The following WARS1 variants were observed in gnomAD, a reference collection of about 807,000 sequenced individuals.
The protein encoded by WARS1 is tryptophanyl-tRNA synthetase 1.
In WARS1, 17 loss-of-function variants were observed where a neutral mutation model predicts 47.8. The observed-to-expected ratio is 0.36, with a 90% CI of 0.24 to 0.53. The LOEUF (loss-of-function observed/expected upper bound fraction) is 0.53. WARS1 is among the 20% of genes least tolerant of loss of function. The pLI, the probability that WARS1 is intolerant of heterozygous loss-of-function variation, is 0.91. For synonymous variants in WARS1, 208 were observed against 228.1 expected, an observed-to-expected ratio of 0.91 and a Z score of 0.79; for missense variants, 434 against 608.0, an observed-to-expected ratio of 0.71 and a Z score of 3.01.
At chr14:100,350,583 C>G (rs1323153384) in intron 6 of WARS1, among the ~76,000 whole-genome samples, 1 of 152,042 alleles carries the variant, frequency 6.6e-6, no homozygotes, top group Non-Finnish European at 1.5e-5. Context: ...TTCATCTACC[C>G]CATCGTGCAT....
intron 3 of WARS1, 124 bp downstream of exon 3, chr14:100,361,584 T>G (rs1453330236): frequency 7.5e-6 from 7 of 936,520 alleles, no homozygotes; most frequent in Non-Finnish European, 1.1e-5. Flanking sequence ...ATCCATTTTT[T>G]CTTGGCATTG....
intron 6 of WARS1, among the ~76,000 whole-genome samples, chr14:100,347,978 G>C (rs754553609): frequency 5.3e-5 from 8 of 152,200 alleles, no homozygotes; most frequent in Non-Finnish European, 1.0e-4. Flanking sequence ...GGGAAGGCTG[G>C]TGTCTTTTAA....
chr14:100,359,046 G>A (rs965530502), intron 4 of WARS1, among the ~76,000 whole-genome samples: 1 of 152,198 alleles, frequency 6.6e-6, no homozygotes, highest in Non-Finnish European at 1.5e-5. Context: ...GTGGAGAAAT[G>A]GGAAGCTTCC....
intron 8 of WARS1, among the ~76,000 whole-genome samples, chr14:100,342,855 G>C (rs1894267920): frequency 6.6e-6 from 1 of 151,818 alleles, no homozygotes. Context: ...GCATGCATTA[G>C]GTATTTGTCC....
At chr14:100,345,727 T>C (rs945399655) in intron 7 of WARS1, among the ~76,000 whole-genome samples, 2 of 152,156 alleles carry the variant, frequency 1.3e-5, no homozygotes, top group Admixed American at 6.5e-5. Context: ...TAAAAGTGTT[T>C]AGTGTTTTGG....
chr14:100,342,224 G>A (rs1411978744), intron 9 of WARS1, 174 bp downstream of exon 9: 1 of 800,804 alleles, frequency 1.2e-6, no homozygotes, highest in East Asian at 2.7e-5. Flanking sequence ...ATGTGGGAAG[G>A]ACAGGCTGCC....
At chr14:100,363,069 T>C (rs978396104) in intron 2 of WARS1, among the ~76,000 whole-genome samples, 1 of 152,216 alleles carries the variant, frequency 6.6e-6, no homozygotes, top group African/African-American at 2.4e-5. Context: ...ACCCATCTCA[T>C]TTCTGTAGTA....
At chr14:100,354,250 C>A (rs981879703) in intron 5 of WARS1, 197 bp downstream of exon 5, 3 of 681,088 alleles carry the variant, frequency 4.4e-6, no homozygotes, top group Non-Finnish European at 6.9e-6. Flanking sequence ...TCCAAAGCTG[C>A]GCTCTCCCCA....
At position 100,369,245 on chromosome 14, in the gene WARS1, CAGACGAGTCA is replaced by C; in HGVS notation, c.-70_-61del. ...GCCTGAGGTCAGAGGATTTGTTCAG[CAGACGAGTCA>C]AGACTGGGGTGGGGGCGGGGAAGGA... On this transcript the variant is annotated 5_prime_UTR_variant, in exon 2 of 11. Transcript: ENST00000392882. 1 of 647,598 alleles carries C rather than the reference CAGACGAGTCA, an allele frequency of 1.5e-6. No homozygotes were observed. Among genetic ancestry groups the C allele is most frequent in the Non-Finnish European group, 2.2e-6 (1 of 454,842 alleles). 40.1% of individuals were successfully genotyped at this position (647,598 alleles called of 1,614,324 possible).
At chr14:100,341,117 T>C (rs1894134408) in intron 9 of WARS1, among the ~76,000 whole-genome samples, 1 of 152,074 alleles carries the variant, frequency 6.6e-6, no homozygotes, top group Admixed American at 6.6e-5. Flanking sequence ...AGTTTCACCA[T>C]GTTGGCCACG....
At position 100,373,839 on chromosome 14, in the gene WARS1, T is replaced by C. The variant is rs981752823; in HGVS notation, c.-74+1444A>G. The C allele has an allele frequency of 6.8e-6, 1 of 146,616 alleles. No homozygotes were observed. The highest frequency in any genetic ancestry group is 1.5e-5 in the Non-Finnish European group (1 of 66,794). The allele number at this position is 146,616 out of a possible 1,614,324, so 9.1% of individuals were successfully genotyped here. On this transcript the variant is annotated intron_variant, in intron 1 of 10. Coordinates refer to ENST00000392882, the MANE Select transcript of WARS1 (RefSeq NM_004184.4). This position sits in a 1 kb window ranked among gnomAD's most constrained non-coding sequence, Gnocchi z 4.4. ...TATTGAAATCTTGTGTGTGTGTGTG[T>C]GTGTGTGTGTGTGTGTGTGTGTGTG...
rs140450537 is a variant in WARS1 at position 100,361,375 on chromosome 14, C to T, written c.313+333G>A. Among the ~76,000 whole-genome samples the T allele has an allele frequency of 1.2e-4, 19 of 152,302 alleles. No homozygotes were observed. In the East Asian group the frequency reaches 3.7e-3, roughly 29 times the overall value. On this transcript the variant is annotated intron_variant, in intron 3 of 10. Coordinates refer to ENST00000392882, the MANE Select transcript of WARS1 (RefSeq NM_004184.4). ...TCACTGGAGGTGAAACCTAAGTAATCTATGATTGACTTGTAGCCACTAAAT... is the reference window on the plus strand; with the variant it reads ...TCACTGGAGGTGAAACCTAAGTAATTTATGATTGACTTGTAGCCACTAAAT...
chr14:100,357,571 C>T (rs60309946), intron 4 of WARS1, among the ~76,000 whole-genome samples: 9,182 of 151,844 alleles, frequency 0.06, 426 homozygotes, highest in African/African-American at 0.12. Context: ...AAGTGATTCT[C>T]CTGCCTTAGC....
rs568311846 is a variant in WARS1, at chr14:100,362,126, T to C, written c.100-205A>G. Among the ~76,000 whole-genome samples the C allele has an allele frequency of 2.6e-5, 4 of 152,332 alleles. No homozygotes were observed. The East Asian group carries it at 7.7e-4, about 29-fold the overall frequency. The stretch of plus-strand genomic sequence containing the variant: ...TCAGAGAGGTAGAGGAGCTTACCCA[T>C]AGAATCACAGCAAGTCATTGGCTCG... On this transcript the variant is annotated intron_variant, in intron 2 of 10. Coordinates refer to ENST00000392882, the MANE Select transcript of WARS1 (RefSeq NM_004184.4).
intron 10 of WARS1, among the ~76,000 whole-genome samples, chr14:100,336,310 G>C (rs969796747): frequency 6.6e-6 from 1 of 150,606 alleles, no homozygotes; most frequent in African/African-American, 2.4e-5. Context: ...TGAGGGTCTT[G>C]CTATGTCGCC....
chr14:100,339,108 CACACACACACACACAT>C (rs1334181933), intron 9 of WARS1, among the ~76,000 whole-genome samples: 166 of 34,576 alleles, frequency 4.8e-3, no homozygotes, highest in African/African-American at 8.0e-3. Flanking sequence ...CTCCATCACA[CACACACACACACACAT>C]ACACACACAC....
intron 3 of WARS1, 122 bp downstream of exon 3, chr14:100,361,586 T>C: frequency 2.1e-6 from 2 of 961,342 alleles, no homozygotes; most frequent in East Asian, 4.9e-5. Context: ...CCATTTTTTC[T>C]TGGCATTGAA....
chr14:100,336,438 C>T (rs941462340), intron 10 of WARS1, among the ~76,000 whole-genome samples: 6 of 152,138 alleles, frequency 3.9e-5, no homozygotes, highest in Non-Finnish European at 5.9e-5. Context: ...TAGTTCATGC[C>T]CGCATAATAA....
At chr14:100,374,998 T>C (rs1269102063) in intron 1 of WARS1, 2 of 152,090 alleles carry the variant, frequency 1.3e-5, no homozygotes, top group African/African-American at 4.8e-5. Context: ...AGAATGACAA[T>C]ACGTTCTGAT....
Sources: allele counts gnomAD v4.1 joint callset (sites outside exome capture counted in the v4.1 genomes callset), GRCh38; gene constraint gnomAD v4.1.1; non-coding constraint Gnocchi (gnomAD v3.1); transcripts MANE v1.5; gene names NCBI Gene and HGNC (gene_info 2026-07-23, HGNC 2026-07-21).